Variants in SDHAF4 observed in about 807,000 individuals in gnomAD.
The protein encoded by SDHAF4 is succinate dehydrogenase complex assembly factor 4.
Under a neutral mutation model 14.3 loss-of-function variants are expected in SDHAF4, and 14 were observed. The observed-to-expected ratio is 0.98, with a 90% CI of 0.65 to 1.53. The LOEUF (loss-of-function observed/expected upper bound fraction) is 1.53, where lower values mean the gene tolerates loss of function less well. Among genes scored for constraint, SDHAF4 ranks in the 40% most tolerant of loss-of-function variants. The pLI is 0.00. For missense variants in SDHAF4, 141 were observed against 129.3 expected (o/e 1.09, Z -0.44); for synonymous variants, 63 against 47.3 (o/e 1.33, Z -1.36).
At chr6:70,583,783 A>G (rs763200307) in intron 2 of SDHAF4, among the ~76,000 whole-genome samples, 1 of 152,216 alleles carries the variant, frequency 6.6e-6, no homozygotes, top group Non-Finnish European at 1.5e-5. Context: ...CCTGGGCCAC[A>G]TGCAGCCCGT....
chr6:70,593,604 G>A (rs1765277346), downstream of SDHAF4, among the ~76,000 whole-genome samples: 1 of 152,198 alleles, frequency 6.6e-6, no homozygotes, highest in Non-Finnish European at 1.5e-5. Flanking sequence ...ATTGCCCAAT[G>A]TTTTGGAGAC....
downstream of SDHAF4, among the ~76,000 whole-genome samples, chr6:70,592,505 A>G (rs1765267662): frequency 6.6e-6 from 1 of 152,252 alleles, no homozygotes; most frequent in African/African-American, 2.4e-5. Flanking sequence ...AGCCTTTCTT[A>G]GAAAGTGGCA....
intron 1 of SDHAF4, among the ~76,000 whole-genome samples, chr6:70,568,405 AAGG>A (rs1238349381): frequency 3.3e-5 from 5 of 152,212 alleles, no homozygotes; most frequent in Admixed American, 6.5e-5. Flanking sequence ...CTCTATTGCC[AAGG>A]AGGTCTCTAT....
intron 1 of SDHAF4, among the ~76,000 whole-genome samples, chr6:70,568,398 T>C (rs9455162): frequency 0.22 from 33,158 of 152,156 alleles, 4,172 homozygotes; most frequent in African/African-American, 0.35. Flanking sequence ...AAATAGTCTC[T>C]ATTGCCAAGG....
At chr6:70,581,029 T>G (rs1383058413) in intron 2 of SDHAF4, among the ~76,000 whole-genome samples, 1 of 152,144 alleles carries the variant, frequency 6.6e-6, no homozygotes, top group Non-Finnish European at 1.5e-5. Context: ...CCTCCCAGGT[T>G]CATGTAATAC....
the SDHAF4 span, among the ~76,000 whole-genome samples, chr6:70,597,273 C>T: frequency 6.7e-6 from 1 of 150,024 alleles, no homozygotes; most frequent in Non-Finnish European, 1.5e-5. Flanking sequence ...GTTGAGATTA[C>T]AGGCACCTGC....
Position 70,576,593 on chromosome 6 carries a change from G to A in SDHAF4, c.65-2821G>A, listed in dbSNP as rs1414443487. Among the ~76,000 whole-genome samples the A allele has an allele frequency of 2.0e-5, 3 of 152,194 alleles. No homozygotes were observed. The East Asian group carries it at 5.8e-4, about 29-fold the overall frequency. ...TTATCTTAACCACTTGTATGCATATGTGTTTGTGTCTATTTCTTTAAACAA... is the reference window on the plus strand; with the variant it reads ...TTATCTTAACCACTTGTATGCATATATGTTTGTGTCTATTTCTTTAAACAA... On this transcript the variant is annotated intron_variant, in intron 1 of 2. Transcript: ENST00000370474.
At chr6:70,567,054 C>CA (rs1562053651) in intron 1 of SDHAF4, 50 bp downstream of exon 1, 1 of 1,519,236 alleles carries the variant, frequency 6.6e-7, no homozygotes, top group Admixed American at 2.0e-5. Flanking sequence ...CGTGAAGGCC[C>CA]AGGCGCAGAG....
chr6:70,592,450 G>T (rs564616871), downstream of SDHAF4, among the ~76,000 whole-genome samples: 30 of 152,180 alleles, frequency 2.0e-4, no homozygotes, highest in Middle Eastern at 3.2e-3. Context: ...TTCTGATGAG[G>T]TTTCAGATGG....
chr6:70,593,698 G>A (rs1765278821), downstream of SDHAF4, among the ~76,000 whole-genome samples: 1 of 151,954 alleles, frequency 6.6e-6, no homozygotes, highest in South Asian at 2.1e-4. Context: ...TTTTTTGTGT[G>A]TGTGTGTGAT....
downstream of SDHAF4, among the ~76,000 whole-genome samples, chr6:70,589,888 G>A (rs1267929326): frequency 6.6e-6 from 1 of 152,156 alleles, no homozygotes; most frequent in Non-Finnish European, 1.5e-5. Flanking sequence ...CCAGGCTCTT[G>A]ATACCATCAT....
intron 2 of SDHAF4, among the ~76,000 whole-genome samples, chr6:70,583,611 G>T (rs1765165548): frequency 6.6e-6 from 1 of 151,902 alleles, no homozygotes. Flanking sequence ...GGCTTCCCTG[G>T]GTCACATTGG....
intron 1 of SDHAF4, among the ~76,000 whole-genome samples, chr6:70,572,486 A>G (rs1057154268): frequency 1.3e-5 from 2 of 152,214 alleles, no homozygotes; most frequent in African/African-American, 4.8e-5. Flanking sequence ...AGCTTGATTT[A>G]GCTATTTCAC....
intron 1 of SDHAF4, among the ~76,000 whole-genome samples, chr6:70,573,468 T>G (rs1802211904): frequency 2.0e-5 from 3 of 151,444 alleles, no homozygotes; most frequent in Non-Finnish European, 4.4e-5. Context: ...TTCACCAGAT[T>G]GGCCTGGCTG....
rs915524781 is a variant in SDHAF4, at chr6:70,583,150, T to C, written c.217+3584T>C. ...TTTTTTGAGTTGGAGTCTCGCTCTG[T>C]CACCCAGGCTGGAGGACAATGGCGC... On this transcript the variant is annotated intron_variant, in intron 2 of 2. Coordinates refer to ENST00000370474, the MANE Select transcript of SDHAF4 (RefSeq NM_145267.3). Among the ~76,000 whole-genome samples the C allele has an allele frequency of 3.9e-5, 6 of 152,250 alleles. No individual in the cohort carries two copies. In the South Asian group the frequency reaches 6.2e-4, roughly 16 times the overall value.
At chr6:70,581,490 G>A (rs187016714) in intron 2 of SDHAF4, among the ~76,000 whole-genome samples, 1 of 152,198 alleles carries the variant, frequency 6.6e-6, no homozygotes, top group Admixed American at 6.5e-5. Context: ...TGTTTTATTT[G>A]AACAATCCAC....
At chr6:70,595,749 T>C in the SDHAF4 span, among the ~76,000 whole-genome samples, 4 of 148,206 alleles carry the variant, frequency 2.7e-5, no homozygotes, top group African/African-American at 1.0e-4. Context: ...TGCAGGAGAA[T>C]CGCTTGAACC....
At chr6:70,576,342 T>C (rs1251762367) in intron 1 of SDHAF4, among the ~76,000 whole-genome samples, 1 of 152,246 alleles carries the variant, frequency 6.6e-6, no homozygotes, top group Non-Finnish European at 1.5e-5. Context: ...TTTCAACTTT[T>C]CCTTGTAAAC....
At chr6:70,573,778 G>A (rs1225157402) in intron 1 of SDHAF4, among the ~76,000 whole-genome samples, 4 of 150,918 alleles carry the variant, frequency 2.7e-5, no homozygotes, top group African/African-American at 7.3e-5. Flanking sequence ...TGGTTCAAGC[G>A]ATTGTCTTGC....
Sources: gnomAD v4.1 joint callset for allele counts (sites outside exome capture counted in the v4.1 genomes callset) on GRCh38, gnomAD v4.1.1 for gene constraint, MANE v1.5 for transcripts, NCBI Gene and HGNC (gene_info 2026-07-23, HGNC 2026-07-21) for gene names.